The following PIWIL3 variants were observed in gnomAD, a reference collection of about 807,000 sequenced individuals.
The protein encoded by PIWIL3 is piwi like RNA-mediated gene silencing 3.
In PIWIL3, 101 loss-of-function variants were observed where a neutral mutation model predicts 109.7. The ratio of observed to expected loss-of-function variants is 0.92; its 90% confidence interval spans 0.78 to 1.09. The LOEUF (loss-of-function observed/expected upper bound fraction) is 1.09. Among genes scored for constraint, PIWIL3 ranks in the 50% least tolerant of loss-of-function variants. The pLI is 0.00. For synonymous variants in PIWIL3, 373 were observed against 376.4 expected (o/e 0.99, Z 0.10); for missense variants, 1,031 against 1,072.6 (o/e 0.96, Z 0.54).
chr22:24,748,971 G>A lies in PIWIL3; in HGVS notation c.1385C>T (p.Thr462Ile). Residue 462 changes from threonine to isoleucine, a missense_variant, in exon 12 of 21, where the codon ACC becomes ATC. Coordinates refer to ENST00000616349, the MANE Select transcript of PIWIL3 (RefSeq NM_001255975.1). ...LLQLWDLKFD[T>I]NFLSVPGRVL... Reference sequence around the variant, plus strand: ...TCTTCCCGGGACGGACAAAAAATTGGTATCAAATTTCAAATCCCAGAGTTG... The same window carrying A: ...TCTTCCCGGGACGGACAAAAAATTGATATCAAATTTCAAATCCCAGAGTTG... 1 of 1,613,550 alleles carries A rather than the reference G, an allele frequency of 6.2e-7. No homozygotes were observed. The highest frequency in any genetic ancestry group is 8.5e-7 in the Non-Finnish European group (1 of 1,179,840).
At position 24,754,841 on chromosome 22, in the gene PIWIL3, T is replaced by C; in HGVS notation, c.716A>G (p.Glu239Gly). 6.2e-7 allele frequency: 1 copy of C among 1,613,018 alleles called. No individual in the cohort carries two copies. Residue 239 changes from glutamate (E) to glycine (G), a missense_variant, in exon 7 of 21, where the codon GAA becomes GGA. By Grantham distance (98) the Glu-to-Gly change is moderately conservative (BLOSUM62 -2). Transcript: ENST00000616349. Reference sequence around the variant, plus strand: ...GGTATAATAGTTGCGACCAACTTGTTCAAAATCCAGCAGCTTGAAAGTTCT... The same window carrying C: ...GGTATAATAGTTGCGACCAACTTGTCCAAAATCCAGCAGCTTGAAAGTTCT... ...FRRTFKLLDF[E>G]QVGRNYYTKK...
In PIWIL3 at chr22:24,757,895, T is replaced by C; in HGVS notation, c.355+13A>G. On this transcript the variant is annotated intron_variant, in intron 4 of 20. Transcript: ENST00000616349. Reference sequence around the variant, plus strand: ...GAACAGCTCCATAAACATTGAGTTCTAGACCAACATACCTGTTTTTGAGTC... The same window carrying C: ...GAACAGCTCCATAAACATTGAGTTCCAGACCAACATACCTGTTTTTGAGTC... 1.3e-6 allele frequency: 2 copies of C among 1,589,076 alleles called. No homozygotes were observed. Among genetic ancestry groups the C allele is most frequent in the South Asian group, 2.3e-5 (2 of 86,088 alleles).
At position 24,728,001 on chromosome 22, in the gene PIWIL3, CG is replaced by C; in HGVS notation, c.1957del (p.Arg653AspfsTer5). 1.9e-6 allele frequency: 3 copies of C among 1,613,904 alleles called. No homozygotes were observed. Among genetic ancestry groups the C allele is most frequent in the Non-Finnish European group, 2.5e-6 (3 of 1,180,002 alleles). On this transcript the variant is annotated frameshift_variant, in exon 16 of 21. Coordinates refer to ENST00000616349, the MANE Select transcript of PIWIL3 (RefSeq NM_001255975.1). LOFTEE classifies it high-confidence loss of function. ...GIDCFHDIVN[R>X]QKSIAGFVAS... ...AACAAATCCTGCTATTGATTTCTGT[CG>C]ATTTACGATATCGTGGAAACAATCA...
chr22:24,725,609 T>A, intron 16 of PIWIL3, 94 bp from the exon 17 acceptor site: 1 of 1,187,296 alleles, frequency 8.4e-7, no homozygotes, highest in Non-Finnish European at 1.2e-6. Context: ...TTACTATCAG[T>A]AGTTAAGGAC....
chr22:24,740,234 A>AAAAAAAT (rs1923916259), intron 12 of PIWIL3, among the ~76,000 whole-genome samples: 1 of 149,406 alleles, frequency 6.7e-6, no homozygotes, highest in Non-Finnish European at 1.5e-5. Flanking sequence ...AAAAAAAAAA[A>AAAAAAAT]TTTCTAAAAG....
rs762888812 is a variant in PIWIL3, at chr22:24,758,039, C to G, written c.224G>C (p.Gly75Ala). The change falls in exon 4 of 21, where the codon GGG becomes GCG. Residue 75 changes from glycine to alanine, a missense_variant and splice_region_variant. Transcript: ENST00000616349. Reference protein sequence around the residue: ...GGAGGGAQSQGVKEPGPEAGL... With the variant: ...GGAGGGAQSQAVKEPGPEAGL... ...AGCCTCAGGTCCAGGTTCCTTCACC[C>G]CTGCATAAATGTAAACGCCAGAAGT... The G allele has an allele frequency of 1.9e-6, 3 of 1,603,968 alleles. No homozygotes were observed. Among genetic ancestry groups the G allele is most frequent in the South Asian group, 1.1e-5 (1 of 88,978 alleles).
chr22:24,749,125 T>G, intron 11 of PIWIL3, 104 bp from the exon 12 acceptor site: 1 of 974,200 alleles, frequency 1.0e-6, no homozygotes, highest in Non-Finnish European at 1.5e-6. Context: ...CCATCACTTG[T>G]CCGCAGCATT....
chr22:24,764,468 T>C (rs1034235557), intron 1 of PIWIL3, among the ~76,000 whole-genome samples: 36 of 152,204 alleles, frequency 2.4e-4, no homozygotes, highest in African/African-American at 8.7e-4. Flanking sequence ...AGAAGCACCC[T>C]TACTCATCTG....
intron 1 of PIWIL3, among the ~76,000 whole-genome samples, chr22:24,772,379 T>TA (rs1350007417): frequency 1.3e-5 from 2 of 152,230 alleles, no homozygotes; most frequent in African/African-American, 4.8e-5. Flanking sequence ...CATTTGGACT[T>TA]AGACAAAAAC....
At chr22:24,720,541 G>A (rs879932316) in intron 19 of PIWIL3, among the ~76,000 whole-genome samples, 2 of 152,104 alleles carry the variant, frequency 1.3e-5, no homozygotes, top group Non-Finnish European at 2.9e-5. Flanking sequence ...AAAGTGCTGG[G>A]ATTACAGGCA....
chr22:24,751,144 G>A (rs1047418986), intron 9 of PIWIL3, among the ~76,000 whole-genome samples: 16 of 151,758 alleles, frequency 1.1e-4, no homozygotes, highest in African/African-American at 3.4e-4. Flanking sequence ...AAGTATGATA[G>A]TAGCCACTTT....
chr22:24,726,506 C>T (rs574943303), intron 16 of PIWIL3, among the ~76,000 whole-genome samples: 14 of 152,114 alleles, frequency 9.2e-5, no homozygotes, highest in African/African-American at 2.9e-4. Context: ...AGTATGGTCT[C>T]GATCTCCTGA....
rs1206645374 is a variant in PIWIL3 at position 24,762,386 on chromosome 22, T to C, written c.102+12A>G. 1 of 1,609,128 alleles carries C rather than the reference T, an allele frequency of 6.2e-7. No individual in the cohort carries two copies. Among genetic ancestry groups the C allele is most frequent in the Non-Finnish European group, 8.5e-7 (1 of 1,178,336 alleles). ...ATCTCTTGCAGAAAGGAAACAACGTTACAGGGCTCACTGTAGCTGATCCAG... is the reference window on the plus strand; with the variant it reads ...ATCTCTTGCAGAAAGGAAACAACGTCACAGGGCTCACTGTAGCTGATCCAG... On this transcript the variant is annotated intron_variant, in intron 2 of 20. Coordinates refer to ENST00000616349, the MANE Select transcript of PIWIL3 (RefSeq NM_001255975.1).
At chr22:24,738,745 AG>A (rs1178617744) in intron 12 of PIWIL3, among the ~76,000 whole-genome samples, 2 of 152,224 alleles carry the variant, frequency 1.3e-5, no homozygotes, top group African/African-American at 2.4e-5. Context: ...AGCCTTCCCA[AG>A]GAAGATGAAT....
intron 12 of PIWIL3, among the ~76,000 whole-genome samples, chr22:24,744,613 C>T (rs1243107488): frequency 6.6e-6 from 1 of 151,914 alleles, no homozygotes; most frequent in African/African-American, 2.4e-5. Context: ...TATACTTAGA[C>T]AAAATAGATT....
intron 12 of PIWIL3, among the ~76,000 whole-genome samples, chr22:24,744,732 A>G (rs1320079752): frequency 2.6e-5 from 4 of 152,256 alleles, no homozygotes; most frequent in African/African-American, 9.6e-5. Flanking sequence ...CACTGGAGTA[A>G]CCCAGATATA....
intron 3 of PIWIL3, 121 bp downstream of exon 3, chr22:24,759,748 C>A: frequency 2.1e-6 from 3 of 1,410,742 alleles, no homozygotes; most frequent in Non-Finnish European, 1.9e-6. Context: ...AAGCTGCACA[C>A]ACTTCCCATC....
At chr22:24,725,571 G>T in intron 16 of PIWIL3, 56 bp from the exon 17 acceptor site, 1 of 1,580,578 alleles carries the variant, frequency 6.3e-7, no homozygotes, top group Non-Finnish European at 8.7e-7. Flanking sequence ...TCTCATTTGA[G>T]TCTGCATTAA....
At chr22:24,727,193 G>A (rs904291916) in intron 16 of PIWIL3, among the ~76,000 whole-genome samples, 1 of 152,184 alleles carries the variant, frequency 6.6e-6, no homozygotes, top group African/African-American at 2.4e-5. Context: ...AGAGCCTGTG[G>A]TAGGCAGAAT....
Sources: gnomAD v4.1 joint callset for allele counts (sites outside exome capture counted in the v4.1 genomes callset) on GRCh38, gnomAD v4.1.1 for gene constraint, MANE v1.5 for transcripts, NCBI Gene and HGNC (gene_info 2026-07-23, HGNC 2026-07-21) for gene names.